Variants in PTTG1IP observed in about 807,000 individuals in gnomAD.
PTTG1IP encodes the protein PTTG1 interacting protein.
PTTG1IP carries 16 observed loss-of-function variants against 24.4 expected under a neutral mutation model. The ratio of observed to expected loss-of-function variants is 0.66; its 90% CI spans 0.44 to 1.00. The LOEUF (loss-of-function observed/expected upper bound fraction) is 1.00. Ranked by LOEUF, PTTG1IP falls within the 50% of genes least tolerant of loss-of-function variation. The probability of loss-of-function intolerance (pLI) is 0.00; values close to 1 mark genes in which losing one functional copy is unlikely to be tolerated. For synonymous variants in PTTG1IP, 89 were observed against 96.8 expected (o/e 0.92, Z 0.47); for missense variants, 241 against 245.8 (o/e 0.98, Z 0.13).
At chr21:44,870,965 C>T (rs763653006) in intron 1 of PTTG1IP, among the ~76,000 whole-genome samples, 1 of 152,218 alleles carries the variant, frequency 6.6e-6, no homozygotes, top group African/African-American at 2.4e-5. Context: ...TTGTCATGCT[C>T]CTGTCACACC....
intron 5 of PTTG1IP, among the ~76,000 whole-genome samples, chr21:44,852,124 A>G (rs925631017): frequency 4.6e-5 from 7 of 152,184 alleles, no homozygotes; most frequent in Admixed American, 4.6e-4. Flanking sequence ...CCCAAAGACC[A>G]GGAGTTTTCC....
chr21:44,865,620 A>C, intron 1 of PTTG1IP, 173 bp from the exon 2 acceptor site: 1 of 674,822 alleles, frequency 1.5e-6, no homozygotes, highest in Non-Finnish European at 2.6e-6. Context: ...GCCTTCTTCA[A>C]GACATGTGGA....
Position 44,873,620 on chromosome 21 carries a change from C to T in PTTG1IP, c.-4G>A, listed in dbSNP as rs932343301. The T allele has an allele frequency of 1.4e-6, 2 of 1,423,814 alleles. No individual in the cohort carries two copies. The highest frequency in any genetic ancestry group is 3.0e-5 in the East Asian group (1 of 32,852). 88.2% of individuals were successfully genotyped at this position (1,423,814 alleles called of 1,614,324 possible). A position where few individuals can be genotyped will look rare whatever the true frequency, so the allele number is the denominator to read the frequency against. Reference sequence around the variant, plus strand: ...CGCGGGCCACTCCGGGCGCCATGGTCGGCCGGTCGCTCTATCAGTCAGTGG... The same window carrying T: ...CGCGGGCCACTCCGGGCGCCATGGTTGGCCGGTCGCTCTATCAGTCAGTGG... On this transcript the variant is annotated 5_prime_UTR_variant, in exon 1 of 6. Coordinates refer to ENST00000330938, the MANE Select transcript of PTTG1IP (RefSeq NM_004339.4).
At chr21:44,865,559 A>T in intron 1 of PTTG1IP, 112 bp from the exon 2 acceptor site, 1 of 1,033,040 alleles carries the variant, frequency 9.7e-7, no homozygotes, top group African/African-American at 1.6e-5. Flanking sequence ...AGAACCTCTG[A>T]TGTGGAATTA....
chr21:44,853,988 T>C (rs538986224), intron 5 of PTTG1IP, among the ~76,000 whole-genome samples: 1 of 152,164 alleles, frequency 6.6e-6, no homozygotes, highest in South Asian at 2.1e-4. Context: ...AGGCCAGAAC[T>C]GACAGGGAGG....
chr21:44,867,141 A>C (rs2083548028), intron 1 of PTTG1IP, among the ~76,000 whole-genome samples: 1 of 152,210 alleles, frequency 6.6e-6, no homozygotes, highest in South Asian at 2.1e-4. Context: ...AATAGCAAAC[A>C]TGCGGCTCTC....
chr21:44,866,059 C>G (rs549394193), intron 1 of PTTG1IP, among the ~76,000 whole-genome samples: 73 of 152,218 alleles, frequency 4.8e-4, no homozygotes, highest in African/African-American at 1.7e-3. Flanking sequence ...CCCTGAGACT[C>G]TGCCCACTAC....
intron 2 of PTTG1IP, among the ~76,000 whole-genome samples, chr21:44,863,903 T>C (rs1172816836): frequency 1.3e-5 from 2 of 152,074 alleles, no homozygotes; most frequent in Non-Finnish European, 2.9e-5. Context: ...AGAAGAGTTT[T>C]TAAGAACATG....
At chr21:44,871,914 A>G (rs2083589282) in intron 1 of PTTG1IP, among the ~76,000 whole-genome samples, 1 of 152,208 alleles carries the variant, frequency 6.6e-6, no homozygotes, top group African/African-American at 2.4e-5. Context: ...GTGCAGACAC[A>G]CCGAATGGCT....
At chr21:44,873,173 TA>T in intron 1 of PTTG1IP, 1 of 166,144 alleles carries the variant, frequency 6.0e-6, no homozygotes, top group South Asian at 2.0e-4. Context: ...GCAGTGAGGC[TA>T]AGGGAGGCCG....
intron 1 of PTTG1IP, chr21:44,865,942 G>C: frequency 4.7e-6 from 1 of 213,442 alleles, no homozygotes; most frequent in African/African-American, 2.3e-5. Context: ...GACAAAGCAA[G>C]GTCTTAGTCC....
intron 1 of PTTG1IP, chr21:44,865,725 A>G: frequency 3.6e-6 from 2 of 554,976 alleles, no homozygotes; most frequent in South Asian, 2.2e-5. Context: ...AAGAGTGCCA[A>G]CACAGAAGGC....
chr21:44,873,355 G>A (rs2083606175), intron 1 of PTTG1IP, 147 bp downstream of exon 1: 1 of 804,700 alleles, frequency 1.2e-6, no homozygotes, highest in African/African-American at 1.8e-5. Flanking sequence ...GACCCTCGAG[G>A]AGCCTCCGTC....
chr21:44,854,037 C>G (rs1039732876), intron 5 of PTTG1IP, among the ~76,000 whole-genome samples: 5 of 152,192 alleles, frequency 3.3e-5, no homozygotes, highest in Admixed American at 3.3e-4. Flanking sequence ...CCAGCGTTTA[C>G]AGTCCAGGGC....
chr21:44,862,273 C>T (rs1284495008), intron 2 of PTTG1IP, among the ~76,000 whole-genome samples: 1 of 152,254 alleles, frequency 6.6e-6, no homozygotes, highest in African/African-American at 2.4e-5. Context: ...GTAATCCCAG[C>T]ACTTTGGGAG....
intron 1 of PTTG1IP, chr21:44,865,953 C>T (rs2083533014): frequency 4.8e-6 from 1 of 207,892 alleles, no homozygotes; most frequent in Non-Finnish European, 9.9e-6. Flanking sequence ...GTCTTAGTCC[C>T]CTGGTAGCCT....
intron 5 of PTTG1IP, 54 bp downstream of exon 5, chr21:44,855,156 A>AG: frequency 6.5e-7 from 1 of 1,535,580 alleles, no homozygotes; most frequent in Non-Finnish European, 9.0e-7. Flanking sequence ...GAGGACCGAG[A>AG]CAGCGTGCCA....
chr21:44,856,535 C>T (rs1449749547), intron 3 of PTTG1IP, among the ~76,000 whole-genome samples, 171 bp from the exon 4 acceptor site: 1 of 152,200 alleles, frequency 6.6e-6, no homozygotes, highest in Non-Finnish European at 1.5e-5. Flanking sequence ...GGCCCTGCCT[C>T]CACCCCACAG....
At chr21:44,867,762 A>G (rs2083553931) in intron 1 of PTTG1IP, among the ~76,000 whole-genome samples, 1 of 152,226 alleles carries the variant, frequency 6.6e-6, no homozygotes, top group African/African-American at 2.4e-5. Flanking sequence ...GCGCACCACA[A>G]AATCCTGCAG....
Sources: gnomAD v4.1 joint callset for allele counts (sites outside exome capture counted in the v4.1 genomes callset) on GRCh38, gnomAD v4.1.1 for gene constraint, MANE v1.5 for transcripts, NCBI Gene and HGNC (gene_info 2026-07-23, HGNC 2026-07-21) for gene names.